EIF5A: variants seen among roughly 807,000 people sequenced by gnomAD.
EIF5A encodes the protein eukaryotic translation initiation factor 5A.
Under a neutral mutation model 16.6 loss-of-function variants are expected in EIF5A, and 1 was observed. The ratio of observed to expected loss-of-function variants is 0.06; its 90% CI spans 0.02 to 0.28. EIF5A has a LOEUF of 0.28. Among genes scored for constraint, EIF5A ranks in the 10% least tolerant of loss-of-function variants. EIF5A has a pLI of 1.00. For synonymous variants in EIF5A, 80 were observed against 73.6 expected (o/e 1.09, Z -0.44); for missense variants, 29 against 196.1 (o/e 0.15, Z 5.09).
intron 5 of EIF5A, 76 bp downstream of exon 5, chr17:7,311,727 T>G (rs1019685247): frequency 4.0e-5 from 63 of 1,578,350 alleles, no homozygotes; most frequent in Non-Finnish European, 5.0e-5. Flanking sequence ...CTTAATTGTT[T>G]CAGGCTTACT....
At chr17:7,308,156 G>A (rs897906651) in intron 1 of EIF5A, 2 of 550,882 alleles carry the variant, frequency 3.6e-6, no homozygotes, top group African/African-American at 2.3e-5. Flanking sequence ...GATGGGGGGG[G>A]TTGGCGGACG....
At chr17:7,308,255 G>A (rs1307390291) in intron 1 of EIF5A, 4 of 1,044,746 alleles carry the variant, frequency 3.8e-6, no homozygotes, top group East Asian at 1.1e-4. Flanking sequence ...CCCCACGGGA[G>A]GCTGCCCTCG....
At chr17:7,309,854 G>A in intron 2 of EIF5A, 54 bp downstream of exon 2, 1 of 1,614,002 alleles carries the variant, frequency 6.2e-7, no homozygotes, top group Non-Finnish European at 8.5e-7. Flanking sequence ...TATCTTTGGC[G>A]CTCCCAGCAG....
upstream of EIF5A, chr17:7,307,129 G>C (rs183824855): frequency 5.0e-6 from 8 of 1,587,570 alleles, no homozygotes; most frequent in Non-Finnish European, 6.9e-6. Flanking sequence ...AGTCGTTTAA[G>C]TCCAGTTAAA....
At chr17:7,311,751 C>T (rs1457587881) in intron 5 of EIF5A, 71 bp from the exon 6 acceptor site, 9 of 1,450,760 alleles carry the variant, frequency 6.2e-6, no homozygotes, top group African/African-American at 2.8e-5. Flanking sequence ...TGCCCCTAGC[C>T]TGGCTCTGTC....
intron 1 of EIF5A, chr17:7,308,206 A>G (rs2072688855): frequency 1.0e-6 from 1 of 1,002,340 alleles, no homozygotes; most frequent in Non-Finnish European, 1.2e-6. Context: ...GGCCTGGCGC[A>G]GTCTCTGAGG....
At chr17:7,307,229 G>A (rs2072650302), upstream of EIF5A, 2 of 1,298,676 alleles carry the variant, frequency 1.5e-6, no homozygotes, top group Non-Finnish European at 2.1e-6. Context: ...GCGTACTGAC[G>A]GCGTCTGAGG....
chr17:7,308,513 A>G, intron 1 of EIF5A: 1 of 1,351,416 alleles, frequency 7.4e-7, no homozygotes, highest in African/African-American at 1.5e-5. Flanking sequence ...GCGCTTCCCA[A>G]CCTCAAGGGC....
chr17:7,310,065 C>T (rs1221524245), intron 2 of EIF5A: 4 of 1,456,842 alleles, frequency 2.7e-6, no homozygotes, highest in South Asian at 1.2e-5. Context: ...CTCTTCAATT[C>T]ATAGGCCTTT....
Position 7,311,817 on chromosome 17 carries a change from C to G in EIF5A, c.*12-5C>G. The G allele has an allele frequency of 2.0e-6, 2 of 986,060 alleles. No homozygotes were observed. The highest frequency in any genetic ancestry group is 3.0e-6 in the Non-Finnish European group (2 of 660,728). 61.1% of individuals were successfully genotyped at this position (986,060 alleles called of 1,614,324 possible). ...CTGTCTTACTAATTTCTCTCTCCTA[C>G]CTAGGGTGGCGGTGGTGGCAGCAGT... On this transcript the variant is annotated splice_region_variant and splice_polypyrimidine_tract_variant and intron_variant, in intron 5 of 5. Coordinates refer to ENST00000336458, the MANE Select transcript of EIF5A (RefSeq NM_001970.5).
chr17:7,311,264 A>T, intron 3 of EIF5A, 86 bp from the exon 4 acceptor site: 1 of 1,604,576 alleles, frequency 6.2e-7, no homozygotes, highest in South Asian at 1.1e-5. Context: ...GTTTGCTATC[A>T]GTCCAGTTTG....
chr17:7,307,577 G>A (rs2072660421), upstream of EIF5A: 1 of 1,006,116 alleles, frequency 9.9e-7, no homozygotes. Context: ...TAGCACGCTT[G>A]CGCGGCTGTC....
At chr17:7,310,810 C>T in intron 2 of EIF5A, 1 of 985,406 alleles carries the variant, frequency 1.0e-6, no homozygotes, top group Non-Finnish European at 1.2e-6. Context: ...GTGCTGTCAA[C>T]CCCAATCTCA....
At chr17:7,307,863 C>T (rs2072672392) in intron 1 of EIF5A, 111 bp downstream of exon 1, 3 of 981,936 alleles carry the variant, frequency 3.1e-6, no homozygotes, top group Non-Finnish European at 3.6e-6. Context: ...CGCCGCCGCA[C>T]GGGTTCGGCC....
At chr17:7,310,555 T>C in intron 2 of EIF5A, 2 of 1,087,342 alleles carry the variant, frequency 1.8e-6, no homozygotes, top group Non-Finnish European at 2.2e-6. Flanking sequence ...GGCTTCCTTA[T>C]TTTCTAGCTA....
rs1266302919 is a variant in EIF5A, at chr17:7,307,646, A to AGCAGCG, written c.-125_-120dup. 4,772 of 1,051,202 alleles carry AGCAGCG rather than the reference A, an allele frequency of 4.5e-3. 17 individuals are homozygous for AGCAGCG. Among genetic ancestry groups the AGCAGCG allele is most frequent in the Middle Eastern group, 8.0e-3 (17 of 2,136 alleles). 65.1% of individuals were successfully genotyped at this position (1,051,202 alleles called of 1,614,324 possible). ...CGCCTGCGTACTAAGACCCGTGTGC[A>AGCAGCG]GCAGCGGCGGCGGCGGTAGAGGCGG... On this transcript the variant is annotated 5_prime_UTR_variant, in exon 1 of 6. Coordinates refer to ENST00000336458, the MANE Select transcript of EIF5A (RefSeq NM_001970.5).
upstream of EIF5A, chr17:7,307,393 A>C: frequency 5.9e-6 from 7 of 1,179,734 alleles, no homozygotes; most frequent in Non-Finnish European, 6.3e-6. Flanking sequence ...ATGAGGTTGA[A>C]GAGATTAAAA....
chr17:7,311,532 C>G (rs752647399), intron 4 of EIF5A, 46 bp from the exon 5 acceptor site: 4 of 1,614,146 alleles, frequency 2.5e-6, no homozygotes, highest in Non-Finnish European at 3.4e-6. Context: ...CTGTACGTTT[C>G]TTCCTGAGCT....
chr17:7,308,798 G>T (rs1346695307), intron 1 of EIF5A, among the ~76,000 whole-genome samples: 3 of 152,120 alleles, frequency 2.0e-5, no homozygotes, highest in African/African-American at 7.2e-5. Context: ...AGCCTAGTAT[G>T]ATTTTCTACT....
Sources: gnomAD v4.1 joint callset for allele counts (sites outside exome capture counted in the v4.1 genomes callset) on GRCh38, gnomAD v4.1.1 for gene constraint, MANE v1.5 for transcripts, NCBI Gene and HGNC (gene_info 2026-07-23, HGNC 2026-07-21) for gene names.